KCNH1: variants seen among roughly 807,000 people sequenced by gnomAD.
KCNH1 encodes the protein potassium voltage-gated channel subfamily H member 1.
Under a neutral mutation model 69.2 loss-of-function variants are expected in KCNH1, and 27 were observed. The ratio of observed to expected loss-of-function variants is 0.39; its 90% CI spans 0.29 to 0.54. The LOEUF (loss-of-function observed/expected upper bound fraction) is 0.54, where lower values mean the gene tolerates loss of function less well. Among genes scored for constraint, KCNH1 ranks in the 20% least tolerant of loss-of-function variants. KCNH1 has a pLI of 0.68. For missense variants in KCNH1, 798 were observed against 1,261.6 expected, an observed-to-expected ratio of 0.63 and a Z score of 5.57; for synonymous variants, 456 against 487.7, an observed-to-expected ratio of 0.93 and a Z score of 0.86.
At chr1:211,003,426 A>G (rs1357281872) in intron 6 of KCNH1, among the ~76,000 whole-genome samples, 2 of 152,182 alleles carry the variant, frequency 1.3e-5, no homozygotes, top group African/African-American at 4.8e-5. Context: ...GCTTCTAGCT[A>G]TTAGTAAAAG....
At chr1:210,700,560 G>C (rs1421914067) in intron 10 of KCNH1, among the ~76,000 whole-genome samples, 1 of 152,132 alleles carries the variant, frequency 6.6e-6, no homozygotes, top group Non-Finnish European at 1.5e-5. Flanking sequence ...TCATCTCTCT[G>C]TATGTATTTT....
At chr1:211,097,061 T>C (rs1397707804) in intron 3 of KCNH1, among the ~76,000 whole-genome samples, 1 of 152,198 alleles carries the variant, frequency 6.6e-6, no homozygotes, top group Non-Finnish European at 1.5e-5. Context: ...CGAACTCACA[T>C]AGCTAATAAA....
intron 10 of KCNH1, among the ~76,000 whole-genome samples, chr1:210,693,694 GCAT>G: frequency 6.6e-6 from 1 of 152,278 alleles, no homozygotes; most frequent in East Asian, 1.9e-4. Context: ...ATGAAGACTG[GCAT>G]CATCTTACAT....
chr1:210,756,782 AGGCTAATCCTGAAGGTT>A (rs1341414133), intron 10 of KCNH1, among the ~76,000 whole-genome samples: 10 of 152,156 alleles, frequency 6.6e-5, no homozygotes, highest in Non-Finnish European at 1.0e-4. Context: ...CTTCTAGAAA[AGGCTAATCCTGAAGGTT>A]GGCCTACCCT....
chr1:210,987,547 A>T (rs187898149), intron 6 of KCNH1, among the ~76,000 whole-genome samples: 2 of 152,128 alleles, frequency 1.3e-5, no homozygotes, highest in South Asian at 2.1e-4. Flanking sequence ...CTGGAAGTCC[A>T]CTCCAGACCC....
chr1:211,073,165 C>T (rs1690677481), intron 5 of KCNH1, among the ~76,000 whole-genome samples: 1 of 151,828 alleles, frequency 6.6e-6, no homozygotes, highest in Non-Finnish European at 1.5e-5. Context: ...AGTCAATTCT[C>T]AAAAAAGACA....
At chr1:210,693,741 T>C (rs1353833923) in intron 10 of KCNH1, among the ~76,000 whole-genome samples, 1 of 152,208 alleles carries the variant, frequency 6.6e-6, no homozygotes, top group African/African-American at 2.4e-5. Flanking sequence ...TCCCCACCTA[T>C]ACTGGTGGCC....
intron 6 of KCNH1, among the ~76,000 whole-genome samples, chr1:211,004,423 A>G (rs899567282): frequency 6.6e-6 from 1 of 152,234 alleles, no homozygotes; most frequent in African/African-American, 2.4e-5. Context: ...AGTTTAAAGC[A>G]TTCTAAAATC....
intron 10 of KCNH1, among the ~76,000 whole-genome samples, chr1:210,701,386 T>A (rs1366358849): frequency 6.6e-6 from 1 of 152,170 alleles, no homozygotes; most frequent in Admixed American, 6.5e-5. Context: ...TTTGTACTTT[T>A]TGTGTAGACT....
intron 9 of KCNH1, among the ~76,000 whole-genome samples, chr1:210,795,962 A>ACACACACACACAC (rs1558472980): frequency 1.5e-5 from 2 of 135,984 alleles, no homozygotes; most frequent in Non-Finnish European, 3.1e-5. Context: ...CTCTACTAAA[A>ACACACACACACAC]ACACACACAC....
At chr1:210,953,448 A>G in intron 6 of KCNH1, among the ~76,000 whole-genome samples, 1 of 152,092 alleles carries the variant, frequency 6.6e-6, no homozygotes, top group East Asian at 1.9e-4. Flanking sequence ...ATCTTTCTCA[A>G]AATTTTGTCT....
chr1:211,049,102 C>G (rs1225671964), intron 5 of KCNH1, among the ~76,000 whole-genome samples: 1 of 152,008 alleles, frequency 6.6e-6, no homozygotes. Context: ...CTAATAAAAA[C>G]AGCCATTAAC....
chr1:211,045,418 T>TA (rs1213928126), intron 5 of KCNH1, among the ~76,000 whole-genome samples: 3 of 150,860 alleles, frequency 2.0e-5, no homozygotes, highest in Non-Finnish European at 3.0e-5. Flanking sequence ...CCTATGGAAA[T>TA]AAAAAAATTA....
chr1:210,769,409 A>G (rs1200354525), intron 10 of KCNH1, among the ~76,000 whole-genome samples: 5 of 152,232 alleles, frequency 3.3e-5, no homozygotes, highest in Non-Finnish European at 5.9e-5. Context: ...CCTCAGTTTT[A>G]GAAAACAGGC....
At chr1:211,089,114 ATAACT>A (rs572866147) in intron 4 of KCNH1, among the ~76,000 whole-genome samples, 122 of 152,350 alleles carry the variant, frequency 8.0e-4, no homozygotes, top group African/African-American at 2.7e-3. Flanking sequence ...ACCAAATCAC[ATAACT>A]TAAGTTTTTA....
chr1:210,928,992 A>C (rs1687630976), intron 6 of KCNH1, among the ~76,000 whole-genome samples: 1 of 152,200 alleles, frequency 6.6e-6, no homozygotes, highest in Non-Finnish European at 1.5e-5. Context: ...AAGATACAGA[A>C]TCTCTGAAGA....
At chr1:211,115,724 TATATATAC>T (rs200134088) in intron 1 of KCNH1, among the ~76,000 whole-genome samples, 6,253 of 138,398 alleles carry the variant, frequency 0.045, 528 homozygotes, top group African/African-American at 0.16. Context: ...TATGTATATA[TATATATAC>T]ACACACACAC....
At chr1:210,832,258 A>T (rs1409511183) in intron 7 of KCNH1, among the ~76,000 whole-genome samples, 1 of 152,210 alleles carries the variant, frequency 6.6e-6, no homozygotes, top group African/African-American at 2.4e-5. Flanking sequence ...ATACTCTCTT[A>T]TCTGAGCCTG....
chr1:211,085,936 G>A (rs1488849574), intron 4 of KCNH1, among the ~76,000 whole-genome samples: 3 of 152,102 alleles, frequency 2.0e-5, no homozygotes, highest in Non-Finnish European at 1.5e-5. Context: ...ATTCATCATC[G>A]TCCTTCAAGG....
Sources: allele counts gnomAD v4.1 joint callset (sites outside exome capture counted in the v4.1 genomes callset), GRCh38; gene constraint gnomAD v4.1.1; transcripts MANE v1.5; gene names NCBI Gene and HGNC (gene_info 2026-07-23, HGNC 2026-07-21).